Variants in FRMD3 observed in about 807,000 individuals in gnomAD.
The protein encoded by FRMD3 is FERM domain-containing protein 3.
In FRMD3, 33 loss-of-function variants were observed where a neutral mutation model predicts 70.2. That is an observed-to-expected ratio of 0.47 (90% CI 0.36 to 0.63). The LOEUF (loss-of-function observed/expected upper bound fraction) is 0.63. FRMD3 is among the 20% of genes least tolerant of loss of function. The pLI, the probability that FRMD3 is intolerant of heterozygous loss-of-function variation, is 0.00. For synonymous variants in FRMD3, 279 were observed against 255.9 expected (o/e 1.09, Z -0.86); for missense variants, 632 against 711.4 (o/e 0.89, Z 1.27).
intron 1 of FRMD3, among the ~76,000 whole-genome samples, chr9:83,430,267 C>G (rs548060672): frequency 6.6e-6 from 1 of 152,104 alleles, no homozygotes; most frequent in Non-Finnish European, 1.5e-5. Flanking sequence ...CCTTGTCCCA[C>G]GCTGGCCCCT....
At chr9:83,507,865 TATTAAATACATGAACCAGTAAC>T (rs1829239983) in intron 1 of FRMD3, among the ~76,000 whole-genome samples, 1 of 150,886 alleles carries the variant, frequency 6.6e-6, no homozygotes, top group African/African-American at 2.4e-5. Flanking sequence ...TATGTATTTA[TATTAAATACATGAACCAGTAAC>T]ATAGTCATTT....
intron 13 of FRMD3, among the ~76,000 whole-genome samples, chr9:83,255,798 C>T (rs1043566234): frequency 1.3e-5 from 2 of 152,022 alleles, no homozygotes; most frequent in Non-Finnish European, 2.9e-5. Context: ...GAATAAAATA[C>T]CTTGAAATAC....
At chr9:83,504,114 C>T (rs910905665) in intron 1 of FRMD3, among the ~76,000 whole-genome samples, 2 of 152,146 alleles carry the variant, frequency 1.3e-5, no homozygotes, top group Admixed American at 6.5e-5. Context: ...TGGTGATAGC[C>T]CTTGGAAAGG....
intron 1 of FRMD3, among the ~76,000 whole-genome samples, chr9:83,472,583 C>T (rs1308295355): frequency 1.3e-5 from 2 of 152,168 alleles, no homozygotes; most frequent in Non-Finnish European, 2.9e-5. Context: ...CCCAGCTCCT[C>T]CTCACTAGGG....
chr9:83,436,783 A>G (rs1342941091), intron 1 of FRMD3, among the ~76,000 whole-genome samples: 8 of 12,306 alleles, frequency 6.5e-4, no homozygotes, highest in African/African-American at 1.2e-3. Flanking sequence ...ACCAAGGGGA[A>G]AAAAAAAAAA....
chr9:83,283,766 C>A (rs893185265), intron 13 of FRMD3, among the ~76,000 whole-genome samples: 1 of 152,032 alleles, frequency 6.6e-6, no homozygotes. Flanking sequence ...ATAGTCCAAG[C>A]GTGTGCAATG....
chr9:83,276,265 A>G (rs1483296529), intron 13 of FRMD3: 1 of 152,208 alleles, frequency 6.6e-6, no homozygotes, highest in Non-Finnish European at 1.5e-5. Flanking sequence ...CTCAAGAAAG[A>G]GTCTACTTCC....
intron 1 of FRMD3, among the ~76,000 whole-genome samples, chr9:83,531,513 T>C (rs1037465709): frequency 1.3e-5 from 2 of 152,202 alleles, no homozygotes; most frequent in Non-Finnish European, 2.9e-5. Context: ...TGTGCCACAG[T>C]ATTTAACAAA....
intron 6 of FRMD3, among the ~76,000 whole-genome samples, chr9:83,316,658 G>A (rs187508286): frequency 6.6e-6 from 1 of 152,172 alleles, no homozygotes; most frequent in East Asian, 1.9e-4. Flanking sequence ...GTACTTGTGG[G>A]CACTTTCGAT....
the FRMD3 span, among the ~76,000 whole-genome samples, chr9:83,577,658 A>G: frequency 6.6e-6 from 1 of 152,030 alleles, no homozygotes; most frequent in Non-Finnish European, 1.5e-5. Flanking sequence ...GCCTTCTTGG[A>G]TATGACACAA....
chr9:83,333,100 C>A (rs1372265679), intron 6 of FRMD3, among the ~76,000 whole-genome samples: 1 of 152,230 alleles, frequency 6.6e-6, no homozygotes, highest in Admixed American at 6.5e-5. Flanking sequence ...GCACTGTCAG[C>A]CTCTTCTGCT....
the FRMD3 span, among the ~76,000 whole-genome samples, chr9:83,546,060 CAAA>C: frequency 3.1e-5 from 3 of 95,786 alleles, no homozygotes; most frequent in Non-Finnish European, 2.2e-5. Context: ...TTTCAGTCTT[CAAA>C]AAAAAAAAAA....
chr9:83,584,420 T>C, the FRMD3 span, among the ~76,000 whole-genome samples: 1 of 152,064 alleles, frequency 6.6e-6, no homozygotes, highest in South Asian at 2.1e-4. Flanking sequence ...TCAGGAGCAT[T>C]TTAACTTCTT....
intron 2 of FRMD3, among the ~76,000 whole-genome samples, chr9:83,383,642 T>A (rs1335918423): frequency 6.6e-6 from 1 of 152,220 alleles, no homozygotes; most frequent in Non-Finnish European, 1.5e-5. Flanking sequence ...CCTGTTTCCC[T>A]AACTGATTTC....
intron 2 of FRMD3, among the ~76,000 whole-genome samples, chr9:83,384,509 C>A (rs1007410725): frequency 6.6e-6 from 1 of 152,148 alleles, no homozygotes; most frequent in African/African-American, 2.4e-5. Flanking sequence ...TAGACAAGGT[C>A]TTTTCCTGTT....
At chr9:83,385,847 C>T (rs747667351) in intron 2 of FRMD3, among the ~76,000 whole-genome samples, 4 of 152,048 alleles carry the variant, frequency 2.6e-5, no homozygotes, top group Non-Finnish European at 4.4e-5. Flanking sequence ...GCCCATTTTC[C>T]GCCTTCTCTC....
At chr9:83,424,683 T>C (rs932258195) in intron 1 of FRMD3, among the ~76,000 whole-genome samples, 1 of 152,278 alleles carries the variant, frequency 6.6e-6, no homozygotes, top group African/African-American at 2.4e-5. Flanking sequence ...AATCTATCTG[T>C]AGCATTGCCA....
chr9:83,310,315 C>G (rs1250566447), intron 9 of FRMD3, among the ~76,000 whole-genome samples, 170 bp downstream of exon 9: 1 of 152,066 alleles, frequency 6.6e-6, no homozygotes, highest in Non-Finnish European at 1.5e-5. Flanking sequence ...ATGTACAAAC[C>G]CAGTACTCAT....
chr9:83,269,891 C>T (rs1300734187), intron 13 of FRMD3, among the ~76,000 whole-genome samples: 1 of 152,154 alleles, frequency 6.6e-6, no homozygotes, highest in Non-Finnish European at 1.5e-5. Context: ...TTTACTCTTG[C>T]TTTTTATGGA....
Sources: gnomAD v4.1 joint callset for allele counts (sites outside exome capture counted in the v4.1 genomes callset) on GRCh38, gnomAD v4.1.1 for gene constraint, MANE v1.5 for transcripts, NCBI Gene and HGNC (gene_info 2026-07-23, HGNC 2026-07-21) for gene names.